Variants in ENO4 observed in about 807,000 individuals in gnomAD.
ENO4 encodes the protein enolase 4.
A neutral mutation model predicts 63.2 loss-of-function variants in ENO4; 53 were observed. That is an observed-to-expected ratio of 0.84 (90% confidence interval 0.67 to 1.05). The LOEUF (loss-of-function observed/expected upper bound fraction) is 1.05. ENO4 is among the 50% of genes least tolerant of loss of function. The pLI is 0.00. For synonymous variants in ENO4, 266 were observed against 283.8 expected (o/e 0.94, Z 0.63); for missense variants, 719 against 772.0 (o/e 0.93, Z 0.81).
chr10:116,911,932 C>T (rs1589800136), downstream of ENO4: 1 of 930,736 alleles, frequency 1.1e-6, no homozygotes, highest in South Asian at 1.3e-5. Flanking sequence ...TATTAGTAGC[C>T]TTATATTGGT....
rs10635577 is a variant in ENO4, at chr10:116,878,742, C to CTTTTTT, written c.1538-536_1538-531dup. ...ATAGTGCATTTTACAAATCATATATCTTTTTTTTTTTTTTTTTTGAGACGG... is the reference window on the plus strand; with the variant it reads ...ATAGTGCATTTTACAAATCATATATCTTTTTTTTTTTTTTTTTTTTTTTTGAGACGG... On this transcript the variant is annotated intron_variant, in intron 11 of 13. Transcript: ENST00000341276. Among the ~76,000 whole-genome samples the CTTTTTT allele has an allele frequency of 6.2e-4, 71 of 114,338 alleles. 2 individuals carry two copies. Among genetic ancestry groups the CTTTTTT allele is most frequent in the Middle Eastern group, 5.4e-3 (1 of 186 alleles). 75.0% of individuals were successfully genotyped at this position (114,338 alleles called of 152,430 possible).
chr10:116,880,321 G>T (rs1362535476), intron 13 of ENO4, among the ~76,000 whole-genome samples: 1 of 152,190 alleles, frequency 6.6e-6, no homozygotes, highest in Non-Finnish European at 1.5e-5. Flanking sequence ...GAAAGTTAAA[G>T]GCAGACACTT....
rs1847019668 is a variant in ENO4 at position 116,881,650 on chromosome 10, C to T, written c.1859C>T (p.Thr620Ile). The change falls in exon 14 of 14, where the codon ACA becomes ATA. Residue 620 changes from threonine (T) to isoleucine (I), a missense_variant. By Grantham distance (89) the Thr-to-Ile change is moderately conservative. Transcript: ENST00000341276. Reference protein sequence around the residue: ...PTQGVEESAETGASSG With the variant: ...PTQGVEESAEIGASSG ...CAAGGTGTAGAGGAATCAGCCGAAA[C>T]AGGAGCATCCTCTGGATAGGGCTGT... 6.5e-7 allele frequency: 1 copy of T among 1,546,686 alleles called. No individual in the cohort carries two copies.
At chr10:116,912,111 G>T (rs1309650574), downstream of ENO4, among the ~76,000 whole-genome samples, 1 of 152,156 alleles carries the variant, frequency 6.6e-6, no homozygotes, top group Non-Finnish European at 1.5e-5. Context: ...GTTACCTCTT[G>T]ATTATTATCA....
intron 11 of ENO4, among the ~76,000 whole-genome samples, chr10:116,878,493 T>C (rs1484491172): frequency 2.6e-5 from 4 of 152,138 alleles, no homozygotes; most frequent in African/African-American, 4.8e-5. Flanking sequence ...CTAGTAAACA[T>C]TCAGAATGAC....
intron 10 of ENO4, among the ~76,000 whole-genome samples, chr10:116,875,459 C>T (rs1846802811): frequency 6.6e-6 from 1 of 152,014 alleles, no homozygotes; most frequent in African/African-American, 2.4e-5. Flanking sequence ...CATCTTCCTA[C>T]CTCACCCTCT....
At chr10:116,857,235 G>A (rs1436287635) in intron 3 of ENO4, among the ~76,000 whole-genome samples, 1 of 152,134 alleles carries the variant, frequency 6.6e-6, no homozygotes, top group Non-Finnish European at 1.5e-5. Flanking sequence ...CTAAGACTTA[G>A]TAAAAAGCTT....
At chr10:116,911,450 T>C in intron 10 of ENO4, 3 of 1,546,926 alleles carry the variant, frequency 1.9e-6, no homozygotes, top group Non-Finnish European at 2.6e-6. Flanking sequence ...TATTCATCTA[T>C]TATATTTCTG....
At chr10:116,853,319 A>C (rs997101091) in intron 1 of ENO4, among the ~76,000 whole-genome samples, 1 of 151,764 alleles carries the variant, frequency 6.6e-6, no homozygotes, top group East Asian at 1.9e-4. Flanking sequence ...AAAAAACCAA[A>C]GCAGTAGATA....
chr10:116,856,110 AG>A (rs1359024878), intron 2 of ENO4, among the ~76,000 whole-genome samples: 6 of 152,238 alleles, frequency 3.9e-5, no homozygotes, highest in African/African-American at 1.4e-4. Context: ...ACTGACCTAA[AG>A]AAAGAAAATA....
chr10:116,876,428 G>T (rs895808000), intron 11 of ENO4, among the ~76,000 whole-genome samples, 168 bp downstream of exon 11: 3 of 152,230 alleles, frequency 2.0e-5, no homozygotes, highest in African/African-American at 7.2e-5. Context: ...GCAGCTTACT[G>T]ACTCCCTTCA....
chr10:116,901,795 T>A (rs1230023775), intron 10 of ENO4: 1 of 1,602,612 alleles, frequency 6.2e-7, no homozygotes, highest in South Asian at 1.1e-5. Flanking sequence ...TGTGCATCCT[T>A]CCAATTTACG....
chr10:116,905,407 T>TG (rs1325790291), intron 10 of ENO4, among the ~76,000 whole-genome samples: 2 of 152,112 alleles, frequency 1.3e-5, no homozygotes, highest in Non-Finnish European at 2.9e-5. Context: ...GTAGTTGTTT[T>TG]GGGGGGCACA....
intron 7 of ENO4, among the ~76,000 whole-genome samples, chr10:116,868,248 G>T (rs919953635): frequency 6.6e-6 from 1 of 152,260 alleles, no homozygotes; most frequent in Non-Finnish European, 1.5e-5. Flanking sequence ...AAATCCCGCA[G>T]TGGGGTTAAG....
At chr10:116,862,728 C>G in intron 6 of ENO4, 71 bp from the exon 7 acceptor site, 2 of 1,079,376 alleles carry the variant, frequency 1.9e-6, no homozygotes, top group Non-Finnish European at 2.8e-6. Flanking sequence ...GAAATAGCCA[C>G]GTGTTATAAG....
At chr10:116,907,694 G>A (rs1167574687) in intron 10 of ENO4, among the ~76,000 whole-genome samples, 2 of 152,160 alleles carry the variant, frequency 1.3e-5, no homozygotes, top group Non-Finnish European at 2.9e-5. Context: ...TCTCAACTGT[G>A]CCACATACTT....
intron 10 of ENO4, among the ~76,000 whole-genome samples, chr10:116,889,212 C>T (rs1313791372): frequency 1.3e-5 from 2 of 152,152 alleles, no homozygotes; most frequent in Non-Finnish European, 2.9e-5. Flanking sequence ...CTAAAAATTT[C>T]CAGGAAGTGC....
At position 116,896,801 on chromosome 10, in the gene ENO4, C is replaced by CTT. The variant is rs1230730641; in HGVS notation, c.1195-14678_1195-14677dup. ...AATTTATTTTCTCTGTGATCAGGTA[C>CTT]TTTTTTTTTTTTTTTTTTTTTGAGT... is the stretch of plus-strand genomic sequence containing the variant. On this transcript the variant is annotated intron_variant, in intron 10 of 10. Coordinates refer to the ENO4 transcript ENST00000369207. Among the ~76,000 whole-genome samples the CTT allele has an allele frequency of 2.5e-3, 300 of 121,674 alleles. 2 individuals carry two copies. The highest frequency in any genetic ancestry group is 5.1e-3 in the African/African-American group (161 of 31,746). 79.8% of individuals were successfully genotyped at this position (121,674 alleles called of 152,430 possible).
intron 10 of ENO4, among the ~76,000 whole-genome samples, chr10:116,909,661 C>A (rs893291859): frequency 6.6e-6 from 1 of 152,162 alleles, no homozygotes; most frequent in Non-Finnish European, 1.5e-5. Context: ...AATACTGAGA[C>A]ATTAAAAATT....
Sources: allele counts gnomAD v4.1 joint callset (sites outside exome capture counted in the v4.1 genomes callset), GRCh38; gene constraint gnomAD v4.1.1; transcripts MANE v1.5; gene names NCBI Gene and HGNC (gene_info 2026-07-23, HGNC 2026-07-21).